CYP4X1: variants seen among roughly 807,000 people sequenced by gnomAD.
CYP4X1 encodes the protein cytochrome P450 family 4 subfamily X member 1.
CYP4X1 carries 44 observed loss-of-function variants against 57.9 expected under a neutral mutation model. That is an observed-to-expected ratio of 0.76 (90% CI 0.60 to 0.98). The LOEUF (loss-of-function observed/expected upper bound fraction) is 0.98, where lower values mean the gene tolerates loss of function less well. Among genes scored for constraint, CYP4X1 ranks in the 50% least tolerant of loss-of-function variants. The pLI, the probability that CYP4X1 is intolerant of heterozygous loss-of-function variation, is 0.00. For missense variants in CYP4X1, 532 were observed against 623.9 expected (o/e 0.85, Z 1.57); for synonymous variants, 227 against 228.6 (o/e 0.99, Z 0.06).
chr1:46,997,345 A>G, the CYP4X1 span, among the ~76,000 whole-genome samples: 1 of 152,184 alleles, frequency 6.6e-6, no homozygotes, highest in Non-Finnish European at 1.5e-5. Context: ...AGTACCCAAT[A>G]GGTAGCTTTT....
chr1:47,030,144 G>A lies in CYP4X1; in HGVS notation c.319+13G>A, dbSNP rs371858080. On this transcript the variant is annotated intron_variant, in intron 2 of 11. Transcript: ENST00000371901. The stretch of plus-strand genomic sequence containing the variant: ...CTGAGCAGAACAGGTAAGAAGAGGG[G>A]GAAAGCTCTGGGACCTATTCCTCCT... 1.8e-4 allele frequency: 283 copies of A among 1,603,814 alleles called. No individual in the cohort carries two copies. The highest frequency in any genetic ancestry group is 3.5e-4 in the African/African-American group (26 of 74,646).
At chr1:47,028,802 C>T (rs1371483004) in intron 1 of CYP4X1, among the ~76,000 whole-genome samples, 4 of 152,076 alleles carry the variant, frequency 2.6e-5, no homozygotes, top group South Asian at 2.1e-4. Context: ...CCACCTGGTA[C>T]GTGTGATAGA....
chr1:47,014,444 CA>C, the CYP4X1 span, among the ~76,000 whole-genome samples: 2 of 152,242 alleles, frequency 1.3e-5, no homozygotes, highest in Admixed American at 6.5e-5. Flanking sequence ...GATCCCCATC[CA>C]GAAACATTCC....
upstream of CYP4X1, among the ~76,000 whole-genome samples, chr1:47,022,221 T>C (rs1442539778): frequency 6.7e-6 from 1 of 149,692 alleles, no homozygotes; most frequent in African/African-American, 2.5e-5. Flanking sequence ...TGTGGCTTAA[T>C]GGAACATGCA....
At chr1:46,982,666 T>A in the CYP4X1 span, among the ~76,000 whole-genome samples, 1 of 152,342 alleles carries the variant, frequency 6.6e-6, no homozygotes, top group South Asian at 2.1e-4. Context: ...AGGGCTGCGT[T>A]CCAGTAATGA....
downstream of CYP4X1, among the ~76,000 whole-genome samples, chr1:47,053,906 G>T (rs1557614680): frequency 6.6e-6 from 1 of 152,198 alleles, no homozygotes. Flanking sequence ...TTGCTGTGCA[G>T]AAGCTCTTTC....
At chr1:47,004,483 C>A in the CYP4X1 span, among the ~76,000 whole-genome samples, 1 of 152,192 alleles carries the variant, frequency 6.6e-6, no homozygotes, top group East Asian at 1.9e-4. Flanking sequence ...GTGGGCAGCA[C>A]CTAAACCCAG....
chr1:46,972,502 A>G, the CYP4X1 span, among the ~76,000 whole-genome samples: 1 of 152,198 alleles, frequency 6.6e-6, no homozygotes, highest in Non-Finnish European at 1.5e-5. Flanking sequence ...TAGGAATAGC[A>G]TTGAATCTGT....
the CYP4X1 span, among the ~76,000 whole-genome samples, chr1:46,973,370 G>GT: frequency 6.6e-6 from 1 of 151,968 alleles, no homozygotes; most frequent in South Asian, 2.1e-4. Context: ...TTCCTCAGGG[G>GT]TATTGGCCTG....
At chr1:46,966,160 T>C in the CYP4X1 span, among the ~76,000 whole-genome samples, 2 of 152,230 alleles carry the variant, frequency 1.3e-5, no homozygotes, top group Non-Finnish European at 2.9e-5. Context: ...CTGCTGTTGG[T>C]TGGCTAGAAT....
chr1:46,968,016 G>C, the CYP4X1 span: 2 of 249,194 alleles, frequency 8.0e-6, no homozygotes, highest in Non-Finnish European at 1.5e-5. Flanking sequence ...TCAGGTCACT[G>C]TAGGGTGAGG....
At position 47,030,129 on chromosome 1, in the gene CYP4X1, C is replaced by T. The variant is rs1451923519; in HGVS notation, c.317C>T (p.Thr106Ile). The change falls in exon 2 of 12, where the codon ACA (threonine) becomes ATA (isoleucine). Residue 106 changes from threonine (T) to isoleucine (I), a missense_variant and splice_region_variant. By Grantham distance (89) the Thr-to-Ile change is moderately conservative. Coordinates refer to ENST00000371901, the MANE Select transcript of CYP4X1 (RefSeq NM_178033.2). The part of the protein sequence containing the change: ...PDYAKTLLSR[T>I]DPKSQYLQKF... ...TATGCAAAGACACTTCTGAGCAGAACAGGTAAGAAGAGGGGGAAAGCTCTG... is the reference window on the plus strand; with the variant it reads ...TATGCAAAGACACTTCTGAGCAGAATAGGTAAGAAGAGGGGGAAAGCTCTG... The T allele has an allele frequency of 2.5e-6, 4 of 1,612,484 alleles. No individual in the cohort carries two copies. The highest frequency in any genetic ancestry group is 3.4e-6 in the Non-Finnish European group (4 of 1,179,022).
At chr1:46,997,291 G>A in the CYP4X1 span, among the ~76,000 whole-genome samples, 2 of 152,190 alleles carry the variant, frequency 1.3e-5, no homozygotes, top group Admixed American at 6.5e-5. Flanking sequence ...GTGTAACACC[G>A]GGGTTTGGAC....
intron 1 of CYP4X1, among the ~76,000 whole-genome samples, chr1:47,027,498 G>A (rs921730546): frequency 6.6e-6 from 1 of 152,074 alleles, no homozygotes; most frequent in South Asian, 2.1e-4. Flanking sequence ...TTTGTGTTTG[G>A]AACATTTCAA....
At chr1:47,021,409 T>G (rs12403250), upstream of CYP4X1, among the ~76,000 whole-genome samples, 7,945 of 152,260 alleles carry the variant, frequency 0.052, 236 homozygotes, top group East Asian at 0.13. Context: ...ACCCACCTCT[T>G]GCAGCCTGGT....
At chr1:46,990,236 G>A in the CYP4X1 span, among the ~76,000 whole-genome samples, 2 of 152,266 alleles carry the variant, frequency 1.3e-5, no homozygotes, top group South Asian at 4.2e-4. Context: ...AAAAGTGGGT[G>A]AAGGATATGA....
the CYP4X1 span, among the ~76,000 whole-genome samples, chr1:47,003,326 C>T: frequency 6.6e-6 from 1 of 152,112 alleles, no homozygotes; most frequent in African/African-American, 2.4e-5. Flanking sequence ...CCTGCTGTCT[C>T]CCGGCACTTA....
Position 47,023,879 on chromosome 1 carries a change from G to C in CYP4X1, c.62G>C (p.Cys21Ser). Residue 21 changes from cysteine (C) to serine (S), a missense_variant, in exon 1 of 12, where the codon TGC becomes TCC. Transcript: ENST00000371901. ...CCCTTTTACCTGGCGTTCGTGTTCT[G>C]CCTGGCCCTGGGGCTGCTGCAGGCC... ...ARPFYLAFVF[C>S]LALGLLQAIK... 6.2e-7 allele frequency: 1 copy of C among 1,613,730 alleles called. No homozygotes were observed. The highest frequency in any genetic ancestry group is 8.5e-7 in the Non-Finnish European group (1 of 1,179,988).
the CYP4X1 span, among the ~76,000 whole-genome samples, chr1:46,999,863 C>A: frequency 6.6e-6 from 1 of 151,866 alleles, no homozygotes; most frequent in Non-Finnish European, 1.5e-5. Context: ...TCTTTGGTGA[C>A]AAGGGACTTG....
Sources: gnomAD v4.1 joint callset for allele counts (sites outside exome capture counted in the v4.1 genomes callset) on GRCh38, gnomAD v4.1.1 for gene constraint, MANE v1.5 for transcripts, NCBI Gene and HGNC (gene_info 2026-07-23, HGNC 2026-07-21) for gene names.